The following HS6ST2 variants were observed in gnomAD, a reference collection of about 807,000 sequenced individuals.
HS6ST2 encodes the protein heparan-sulfate 6-O-sulfotransferase 2.
HS6ST2 carries 17 observed loss-of-function variants against 33.0 expected under a neutral mutation model. That is an observed-to-expected ratio of 0.52 (90% CI 0.35 to 0.77). HS6ST2 has a LOEUF of 0.77. HS6ST2 is among the 30% of genes least tolerant of loss of function. The pLI is 0.01. For missense variants in HS6ST2, 519 were observed against 551.7 expected (o/e 0.94, Z 0.59); for synonymous variants, 248 against 237.1 (o/e 1.05, Z -0.42).
chrX:132,868,127 T>C (rs1255825054), intron 2 of HS6ST2, among the ~76,000 whole-genome samples: 1 of 110,951 alleles, frequency 9.0e-6, no homozygotes, highest in African/African-American at 3.3e-5. Context: ...AAAGAAAGGG[T>C]TGCAATCCTA....
At chrX:132,956,018 G>T (rs1057490685) in intron 2 of HS6ST2, among the ~76,000 whole-genome samples, 1 of 111,194 alleles carries the variant, frequency 9.0e-6, no homozygotes, top group Admixed American at 9.4e-5. Flanking sequence ...TTCGGTCCGC[G>T]GGGTGCCCCC....
chrX:132,832,192 A>G (rs1257921877), intron 2 of HS6ST2, among the ~76,000 whole-genome samples: 1 of 112,133 alleles, frequency 8.9e-6, no homozygotes, highest in African/African-American at 3.2e-5. Flanking sequence ...TGTTTTGATA[A>G]AAGCTAATAT....
chrX:132,897,819 G>T (rs1404359091), intron 2 of HS6ST2, among the ~76,000 whole-genome samples: 1 of 111,424 alleles, frequency 9.0e-6, no homozygotes, highest in Non-Finnish European at 1.9e-5. Context: ...AGGGCGAATG[G>T]AGTCATTGCA....
rs2067076783 is a variant in HS6ST2 at position 132,956,731 on chromosome X, C to T, written c.947+77G>A. ...GGCGTCAGGGTGCGCGCTAGGTCCC[C>T]GGCTTGGGCCAGCCGCGCCTCCCAG... On this transcript the variant is annotated intron_variant, in intron 2 of 4. Coordinates refer to ENST00000370833, the MANE Select transcript of HS6ST2 (RefSeq NM_001394073.1). 10 of 1,070,250 alleles carry T rather than the reference C, an allele frequency of 9.3e-6. No individual in the cohort carries two copies. In the Admixed American group the frequency reaches 2.8e-4, roughly 30 times the overall value. 88.2% of individuals were successfully genotyped at this position (1,070,250 alleles called of 1,213,427 possible).
At chrX:132,831,877 G>C (rs2065593726) in intron 2 of HS6ST2, among the ~76,000 whole-genome samples, 3 of 112,065 alleles carry the variant, frequency 2.7e-5, no homozygotes, top group African/African-American at 9.7e-5. Flanking sequence ...AGAAGGATCT[G>C]GTGGTCCATA....
chrX:132,748,863 A>G (rs1353797920), intron 2 of HS6ST2, among the ~76,000 whole-genome samples: 1 of 111,755 alleles, frequency 8.9e-6, no homozygotes, highest in Admixed American at 9.5e-5. Context: ...CACCTGCCAA[A>G]GGCATATAAC....
intron 4 of HS6ST2, among the ~76,000 whole-genome samples, chrX:132,629,370 T>G (rs2063501686): frequency 9.0e-6 from 1 of 111,254 alleles, no homozygotes; most frequent in African/African-American, 3.3e-5. Context: ...CATGCTTCAC[T>G]CCCGTTCGTT....
intron 2 of HS6ST2, among the ~76,000 whole-genome samples, chrX:132,724,039 C>G (rs2064365801): frequency 9.0e-6 from 1 of 111,692 alleles, no homozygotes; most frequent in Non-Finnish European, 1.9e-5. Context: ...ACTTGGGAGG[C>G]TGAGGCAGGA....
At chrX:132,872,935 G>C (rs1391981950) in intron 2 of HS6ST2, among the ~76,000 whole-genome samples, 1 of 111,240 alleles carries the variant, frequency 9.0e-6, no homozygotes, top group Non-Finnish European at 1.9e-5. Context: ...AGTCCTTCAG[G>C]AGTAAAAGCA....
At chrX:132,732,254 AT>A (rs1382344266) in intron 2 of HS6ST2, among the ~76,000 whole-genome samples, 4 of 111,986 alleles carry the variant, frequency 3.6e-5, no homozygotes, top group Non-Finnish European at 5.6e-5. Context: ...CTCATGCATC[AT>A]GAATCAAGGT....
chrX:132,664,324 T>C (rs1051182115), intron 4 of HS6ST2, among the ~76,000 whole-genome samples: 4 of 112,367 alleles, frequency 3.6e-5, no homozygotes, highest in African/African-American at 1.3e-4. Flanking sequence ...TTTATTTTTC[T>C]AAAGCTGAAA....
At chrX:132,845,233 T>C (rs57041608) in intron 2 of HS6ST2, among the ~76,000 whole-genome samples, 15,906 of 109,347 alleles carry the variant, frequency 0.15, 973 homozygotes, top group East Asian at 0.33. Flanking sequence ...AAAAATTACA[T>C]AGATAAATAT....
At chrX:132,660,627 T>A (rs1314815211) in intron 4 of HS6ST2, among the ~76,000 whole-genome samples, 1 of 111,771 alleles carries the variant, frequency 8.9e-6, no homozygotes, top group African/African-American at 3.3e-5. Flanking sequence ...GCTATGGGAA[T>A]CTAGCTTTGG....
intron 2 of HS6ST2, among the ~76,000 whole-genome samples, chrX:132,810,085 T>C (rs998559892): frequency 9.0e-6 from 1 of 111,549 alleles, no homozygotes; most frequent in Non-Finnish European, 1.9e-5. Context: ...ATAATATTTC[T>C]GAAAATATTA....
At chrX:132,960,126 A>G (rs2067133084), upstream of HS6ST2, among the ~76,000 whole-genome samples, 1 of 112,180 alleles carries the variant, frequency 8.9e-6, no homozygotes, top group South Asian at 3.8e-4. Context: ...TTGTGCGAAG[A>G]AGCCAGATGC....
chrX:132,842,188 T>C lies in HS6ST2; in HGVS notation c.947+114620A>G, dbSNP rs758462595. Among the ~76,000 whole-genome samples, 2 of 111,489 alleles carry C rather than the reference T, an allele frequency of 1.8e-5. 1 individual carries two copies. The highest frequency in any genetic ancestry group is 6.5e-5 in the African/African-American group (2 of 30,645). On this transcript the variant is annotated intron_variant, in intron 2 of 4. Coordinates refer to ENST00000370833, the MANE Select transcript of HS6ST2 (RefSeq NM_001394073.1). The stretch of plus-strand genomic sequence containing the variant: ...GCAGCCACAGTGGGCTTTGAGTCCA[T>C]TCCACACACAGCCACAAACAACAGC...
intron 2 of HS6ST2, among the ~76,000 whole-genome samples, chrX:132,930,958 T>TA (rs919039508): frequency 5.5e-5 from 6 of 109,309 alleles, no homozygotes; most frequent in South Asian, 4.0e-4. Context: ...TTGGAGCCAA[T>TA]AAAAAAAAAT....
At chrX:132,785,667 G>T (rs1482614391) in intron 2 of HS6ST2, among the ~76,000 whole-genome samples, 1 of 111,929 alleles carries the variant, frequency 8.9e-6, no homozygotes, top group Non-Finnish European at 1.9e-5. Context: ...AACACTCACT[G>T]TTCAAATGGC....
chrX:132,916,547 A>G (rs1308849142), intron 2 of HS6ST2, among the ~76,000 whole-genome samples: 1 of 111,803 alleles, frequency 8.9e-6, no homozygotes, highest in African/African-American at 3.3e-5. Flanking sequence ...TTATGGGTAG[A>G]CCCACCCTCA....
Sources: gnomAD v4.1 joint callset for allele counts (sites outside exome capture counted in the v4.1 genomes callset) on GRCh38, gnomAD v4.1.1 for gene constraint, MANE v1.5 for transcripts, NCBI Gene and HGNC (gene_info 2026-07-23, HGNC 2026-07-21) for gene names.